Variants in DCDC1 observed in about 807,000 individuals in gnomAD.
DCDC1 encodes the protein doublecortin domain-containing protein 1.
Under a neutral mutation model 178.3 loss-of-function variants are expected in DCDC1, and 200 were observed. The ratio of observed to expected loss-of-function variants is 1.12; its 90% CI spans 1.00 to 1.26. DCDC1 has a LOEUF of 1.26. DCDC1 is among the 50% of genes most tolerant of loss of function. DCDC1 has a pLI of 0.00. For synonymous variants in DCDC1, 690 were observed against 604.8 expected (o/e 1.14, Z -2.07); for missense variants, 1,983 against 1,749.2 (o/e 1.13, Z -2.38).
intron 9 of DCDC1, among the ~76,000 whole-genome samples, chr11:31,189,545 A>G (rs1969902393): frequency 6.6e-6 from 1 of 152,188 alleles, no homozygotes. Context: ...AAAGCTCTGG[A>G]GATCAGAAGT....
intron 20 of DCDC1, among the ~76,000 whole-genome samples, chr11:31,002,770 G>A (rs1413506292): frequency 6.6e-6 from 1 of 151,982 alleles, no homozygotes; most frequent in Non-Finnish European, 1.5e-5. Context: ...GATTATAGTT[G>A]GGGAGCATAT....
intron 9 of DCDC1, among the ~76,000 whole-genome samples, chr11:31,219,740 T>C (rs1447608182): frequency 1.3e-5 from 2 of 152,180 alleles, no homozygotes; most frequent in African/African-American, 2.4e-5. Flanking sequence ...ATGGTAATAA[T>C]AGCTAATATT....
At chr11:31,112,207 GT>G (rs1959189129) in intron 11 of DCDC1, among the ~76,000 whole-genome samples, 1 of 152,228 alleles carries the variant, frequency 6.6e-6, no homozygotes, top group African/African-American at 2.4e-5. Context: ...AAGAGATTCT[GT>G]TTTTCTTAAA....
intron 15 of DCDC1, among the ~76,000 whole-genome samples, chr11:31,098,771 C>T (rs1468533090): frequency 6.6e-6 from 1 of 152,184 alleles, no homozygotes; most frequent in Non-Finnish European, 1.5e-5. Flanking sequence ...GATCACCACT[C>T]TGTAAATAAT....
rs187032426 is a variant in DCDC1 at position 30,935,335 on chromosome 11, G to C, written c.2716-3383C>G. On this transcript the variant is annotated intron_variant, in intron 21 of 38. Coordinates refer to ENST00000684477, the MANE Select transcript of DCDC1 (RefSeq NM_001387274.1). ...CAAAGATATTTATCTGCCTGTGAGA[G>C]CCATCTCTGATTTTCTAAATTCCCA... 1.5e-3 allele frequency among the ~76,000 whole-genome samples: 224 copies of C among 152,272 alleles called. 2 individuals carry two copies. The highest frequency in any genetic ancestry group is 5.0e-3 in the African/African-American group (209 of 41,554).
intron 2 of DCDC1, among the ~76,000 whole-genome samples, chr11:31,333,013 T>A (rs1950081232): frequency 6.6e-6 from 1 of 152,172 alleles, no homozygotes. Context: ...TGTGTGAGAG[T>A]CAAAGTCTCT....
At chr11:31,313,599 T>G (rs10128579) in intron 3 of DCDC1, among the ~76,000 whole-genome samples, 61,507 of 152,004 alleles carry the variant, frequency 0.4, 12,861 homozygotes, top group African/African-American at 0.47. Context: ...TACATTAAGA[T>G]CTACACAGAT....
At chr11:31,106,290 T>C (rs1338541097) in intron 13 of DCDC1, among the ~76,000 whole-genome samples, 1 of 152,252 alleles carries the variant, frequency 6.6e-6, no homozygotes, top group African/African-American at 2.4e-5. Flanking sequence ...TCATTGGTGC[T>C]TAAAAGGTTA....
At chr11:31,012,469 G>A (rs1952232765) in intron 20 of DCDC1, among the ~76,000 whole-genome samples, 1 of 151,948 alleles carries the variant, frequency 6.6e-6, no homozygotes, top group African/African-American at 2.4e-5. Flanking sequence ...ACCCAGGCAT[G>A]GTGGTATGTG....
In DCDC1 at chr11:30,892,873, A is replaced by G; in HGVS notation, c.5027T>C (p.Leu1676Pro). 1 of 1,613,958 alleles carries G rather than the reference A, an allele frequency of 6.2e-7. No individual in the cohort carries two copies. The highest frequency in any genetic ancestry group is 8.5e-7 in the Non-Finnish European group (1 of 1,179,840). The change falls in exon 36 of 39, where the codon CTA (leucine) becomes CCA (proline). Residue 1676 changes from leucine (L) to proline (P), a missense_variant. Coordinates refer to ENST00000684477, the MANE Select transcript of DCDC1 (RefSeq NM_001387274.1). ...GCCATCTTCAGGTCTGCCTCCATTT[A>G]GATAAATCCACACTCGTTTTGTGTT... ...QPNTKRVWIYLNGGRPEDGTY... is the reference protein window; with the variant it reads ...QPNTKRVWIYPNGGRPEDGTY...
At chr11:31,033,250 C>A (rs964608433) in intron 20 of DCDC1, among the ~76,000 whole-genome samples, 3 of 152,026 alleles carry the variant, frequency 2.0e-5, no homozygotes, top group African/African-American at 7.2e-5. Context: ...AAATTATAAA[C>A]AACTTACCAG....
intron 9 of DCDC1, among the ~76,000 whole-genome samples, chr11:31,165,469 G>A (rs1022249325): frequency 4.6e-5 from 7 of 151,818 alleles, no homozygotes; most frequent in Admixed American, 3.3e-4. Flanking sequence ...ACATTACCAC[G>A]CTCAGCTAAT....
chr11:30,944,541 G>A (rs1947876918), intron 21 of DCDC1, among the ~76,000 whole-genome samples: 2 of 152,064 alleles, frequency 1.3e-5, no homozygotes, highest in Admixed American at 1.3e-4. Context: ...CTGAAATAGA[G>A]TTTGTTCTGC....
intron 9 of DCDC1, among the ~76,000 whole-genome samples, chr11:31,238,220 A>AAAAT (rs1976683218): frequency 2.0e-5 from 3 of 152,098 alleles, no homozygotes; most frequent in Non-Finnish European, 4.4e-5. Context: ...TTTGTACTTA[A>AAAAT]CACTGCCCAT....
chr11:31,349,131 A>G (rs1344023332), intron 1 of DCDC1, among the ~76,000 whole-genome samples: 1 of 152,156 alleles, frequency 6.6e-6, no homozygotes, highest in Non-Finnish European at 1.5e-5. Context: ...TTTAATAGCT[A>G]TAATTGTACA....
intron 9 of DCDC1, among the ~76,000 whole-genome samples, chr11:31,217,334 G>C (rs957592277): frequency 6.6e-6 from 1 of 152,158 alleles, no homozygotes; most frequent in African/African-American, 2.4e-5. Context: ...GGACTTCAAA[G>C]TGATTTTAAG....
chr11:31,361,443 ATAAAC>A (rs1171323285), intron 1 of DCDC1, among the ~76,000 whole-genome samples: 1 of 152,206 alleles, frequency 6.6e-6, no homozygotes, highest in East Asian at 1.9e-4. Context: ...ACAGTAAAAT[ATAAAC>A]TAATTTACGT....
At chr11:31,025,077 T>C (rs1014870401) in intron 20 of DCDC1, among the ~76,000 whole-genome samples, 1 of 151,884 alleles carries the variant, frequency 6.6e-6, no homozygotes, top group East Asian at 1.9e-4. Context: ...ATGTTATCTA[T>C]AGTAATTTCA....
At chr11:31,226,541 A>G (rs1974974206) in intron 9 of DCDC1, among the ~76,000 whole-genome samples, 1 of 151,910 alleles carries the variant, frequency 6.6e-6, no homozygotes, top group African/African-American at 2.4e-5. Flanking sequence ...AATAAAAGAA[A>G]AAGTCATTAC....
Sources: gnomAD v4.1 joint callset for allele counts (sites outside exome capture counted in the v4.1 genomes callset) on GRCh38, gnomAD v4.1.1 for gene constraint, MANE v1.5 for transcripts, NCBI Gene and HGNC (gene_info 2026-07-23, HGNC 2026-07-21) for gene names.